The following RTTN variants were observed in gnomAD, a reference collection of about 807,000 sequenced individuals.
The protein encoded by RTTN is rotatin.
RTTN carries 182 observed loss-of-function variants against 269.2 expected under a neutral mutation model. The observed-to-expected ratio is 0.68, with a 90% CI of 0.60 to 0.76. The LOEUF is 0.76. Among genes scored for constraint, RTTN ranks in the 30% least tolerant of loss-of-function variants. The pLI is 0.00. For missense variants in RTTN, 2,545 were observed against 2,608.6 expected, an observed-to-expected ratio of 0.98 and a Z score of 0.53; for synonymous variants, 1,006 against 963.5, an observed-to-expected ratio of 1.04 and a Z score of -0.82.
chr18:70,039,709 T>C (rs1318075510), intron 40 of RTTN, among the ~76,000 whole-genome samples: 3 of 152,156 alleles, frequency 2.0e-5, no homozygotes, highest in Non-Finnish European at 4.4e-5. Flanking sequence ...TTATCTTAAG[T>C]AGAGAGTCTA....
intron 28 of RTTN, among the ~76,000 whole-genome samples, chr18:70,095,116 T>TGC (rs1393340680): frequency 8.3e-6 from 1 of 120,528 alleles, no homozygotes; most frequent in African/African-American, 2.7e-5. Context: ...TGATGAAAAT[T>TGC]GCAACTCCTG....
At chr18:70,019,011 A>G (rs1055554240) in intron 45 of RTTN, among the ~76,000 whole-genome samples, 1 of 152,084 alleles carries the variant, frequency 6.6e-6, no homozygotes, top group Non-Finnish European at 1.5e-5. Flanking sequence ...ATGAGTAATG[A>G]AGAAGTAGAA....
intron 13 of RTTN, 108 bp from the exon 14 acceptor site, chr18:70,166,296 G>T: frequency 9.3e-7 from 1 of 1,070,590 alleles, no homozygotes; most frequent in Non-Finnish European, 1.4e-6. Flanking sequence ...TCCTCAAACT[G>T]AGATCTTATT....
At chr18:70,205,588 C>G in intron 1 of RTTN, 40 bp downstream of exon 1, 7 of 1,613,502 alleles carry the variant, frequency 4.3e-6, no homozygotes, top group Non-Finnish European at 5.9e-6. Flanking sequence ...GTGGCCAGAG[C>G]GCGGGGGGTG....
chr18:70,174,579 A>T (rs2061237747), intron 11 of RTTN, among the ~76,000 whole-genome samples: 4 of 152,130 alleles, frequency 2.6e-5, no homozygotes, highest in Admixed American at 2.6e-4. Flanking sequence ...AAAGAAAAAA[A>T]GAAACCTAAA....
At chr18:70,200,678 A>G (rs1268283327) in intron 4 of RTTN, among the ~76,000 whole-genome samples, 1 of 152,242 alleles carries the variant, frequency 6.6e-6, no homozygotes, top group East Asian at 1.9e-4. Flanking sequence ...GTTCATTTGA[A>G]TATGTGACAT....
At chr18:70,016,358 C>G (rs2056537539) in intron 46 of RTTN, among the ~76,000 whole-genome samples, 1 of 152,092 alleles carries the variant, frequency 6.6e-6, no homozygotes, top group African/African-American at 2.4e-5. Flanking sequence ...AGAAATAGCG[C>G]TAGGCACTTT....
chr18:70,024,921 C>A, intron 43 of RTTN, 73 bp from the exon 44 acceptor site: 1 of 1,526,160 alleles, frequency 6.6e-7, no homozygotes, highest in Non-Finnish European at 8.9e-7. Flanking sequence ...AAAACAACAA[C>A]AGAAAGCCAT....
chr18:70,017,716 T>G, intron 45 of RTTN, 42 bp from the exon 46 acceptor site: 1 of 1,525,332 alleles, frequency 6.6e-7, no homozygotes, highest in Non-Finnish European at 8.9e-7. Flanking sequence ...TCTCATCTTT[T>G]TCATTATTTT....
At chr18:70,114,364 G>T in intron 27 of RTTN, 81 bp downstream of exon 27, 1 of 1,242,870 alleles carries the variant, frequency 8.0e-7, no homozygotes, top group Non-Finnish European at 1.1e-6. Flanking sequence ...TTTGAAAGAA[G>T]TACAAAGTAA....
At chr18:70,152,474 A>G (rs1208889693) in intron 14 of RTTN, among the ~76,000 whole-genome samples, 1 of 152,192 alleles carries the variant, frequency 6.6e-6, no homozygotes, top group Non-Finnish European at 1.5e-5. Flanking sequence ...TAAATGCTCA[A>G]TAAATGTTAG....
At chr18:70,086,280 A>C (rs1422637266) in intron 32 of RTTN, among the ~76,000 whole-genome samples, 1 of 152,192 alleles carries the variant, frequency 6.6e-6, no homozygotes, top group Non-Finnish European at 1.5e-5. Flanking sequence ...TAAACTCTCT[A>C]TGCAAAAGTT....
At chr18:70,060,968 AT>A (rs200611188) in intron 35 of RTTN, among the ~76,000 whole-genome samples, 81 of 127,468 alleles carry the variant, frequency 6.4e-4, no homozygotes, top group African/African-American at 3.9e-3. Context: ...TTGTGTACAT[AT>A]ATGGTTCATT....
intron 35 of RTTN, among the ~76,000 whole-genome samples, chr18:70,064,125 G>T (rs77097343): frequency 0.031 from 4,705 of 151,576 alleles, 277 homozygotes; most frequent in African/African-American, 0.11. Flanking sequence ...ATCATCTGAG[G>T]TCAGGGGTTA....
chr18:70,029,203 T>C (rs2145582141), intron 42 of RTTN, among the ~76,000 whole-genome samples: 1 of 149,650 alleles, frequency 6.7e-6, no homozygotes, highest in South Asian at 2.1e-4. Flanking sequence ...ATACAATCAA[T>C]CTCCTGCATC....
At chr18:70,190,781 A>G (rs2061652673) in intron 8 of RTTN, 62 bp from the exon 9 acceptor site, 4 of 1,174,494 alleles carry the variant, frequency 3.4e-6, no homozygotes, top group South Asian at 1.4e-5. Flanking sequence ...GATTTACTGC[A>G]TATCTGCTGC....
intron 34 of RTTN, among the ~76,000 whole-genome samples, chr18:70,066,352 T>C: frequency 6.6e-6 from 1 of 152,206 alleles, no homozygotes; most frequent in East Asian, 1.9e-4. Flanking sequence ...AAATTAGAAG[T>C]ATTAAAAGAT....
rs1401459676 is a variant in RTTN, at chr18:70,109,708, C to T, written c.3693G>A (p.Ser1231=). 1.2e-6 allele frequency: 2 copies of T among 1,613,624 alleles called. No individual in the cohort carries two copies. The highest frequency in any genetic ancestry group is 1.3e-5 in the African/African-American group (1 of 74,836). ...GCGTTTGAAAAACGTAAAGAAGTTC[C>T]GAGCATTTCCTATGTATGCAAAAGA... ...NFMEVTDRKC[S]ELLYVFQTQL... is the part of the protein sequence containing the mutation. Residue 1231 remains serine (S), a synonymous_variant, in exon 28 of 49, where the codon TCG becomes TCA. Coordinates refer to ENST00000640769, the MANE Select transcript of RTTN (RefSeq NM_173630.4).
chr18:70,100,027 T>A (rs2059116528), intron 28 of RTTN, among the ~76,000 whole-genome samples: 1 of 152,246 alleles, frequency 6.6e-6, no homozygotes, highest in Admixed American at 6.5e-5. Context: ...TGCCTCCAGC[T>A]TTGTTCTTTG....
Sources: allele counts gnomAD v4.1 joint callset (sites outside exome capture counted in the v4.1 genomes callset), GRCh38; gene constraint gnomAD v4.1.1; transcripts MANE v1.5; gene names NCBI Gene and HGNC (gene_info 2026-07-23, HGNC 2026-07-21).